Variants in ZNF483 observed in about 807,000 individuals in gnomAD.
The protein encoded by ZNF483 is zinc finger protein HIT-10.
ZNF483 carries 9 observed loss-of-function variants against 28.6 expected under a neutral mutation model. The ratio of observed to expected loss-of-function variants is 0.32; its 90% CI spans 0.19 to 0.55. The LOEUF (loss-of-function observed/expected upper bound fraction) is 0.55, where lower values mean the gene tolerates loss of function less well. Ranked by LOEUF, ZNF483 falls within the 20% of genes least tolerant of loss-of-function variation. The probability of loss-of-function intolerance (pLI) is 0.93; values close to 1 mark genes in which losing one functional copy is unlikely to be tolerated. For missense variants in ZNF483, 675 were observed against 871.7 expected (o/e 0.77, Z 2.84); for synonymous variants, 322 against 306.2 (o/e 1.05, Z -0.54).
chr9:111,530,319 C>A (rs548210764), intron 2 of ZNF483, among the ~76,000 whole-genome samples: 1 of 152,314 alleles, frequency 6.6e-6, no homozygotes, highest in South Asian at 2.1e-4. Flanking sequence ...AAGCCCCTTG[C>A]CCTATGCAAT....
chr9:111,557,125 C>T (rs372947163), downstream of ZNF483, among the ~76,000 whole-genome samples: 5 of 152,180 alleles, frequency 3.3e-5, no homozygotes, highest in African/African-American at 7.2e-5. Flanking sequence ...GCAGCATTTC[C>T]GCAGCCTTCT....
rs768891697 is a variant in ZNF483, at chr9:111,544,069, T to G, written c.*899T>G. The G allele has an allele frequency of 1.9e-4, 190 of 985,080 alleles. No individual in the cohort carries two copies. The highest frequency in any genetic ancestry group is 2.2e-4 in the Non-Finnish European group (185 of 829,956). The allele number at this position is 985,080 out of a possible 1,614,324, so 61.0% of individuals were successfully genotyped here. ...GAGTATTTTAATCGGACAAGGGAAC[T>G]CTTTTTCTTTTGGGCATTGGCCAAC... On this transcript the variant is annotated 3_prime_UTR_variant, in exon 6 of 6. Transcript: ENST00000309235.
chr9:111,544,314 A>T lies in ZNF483; in HGVS notation c.*1144A>T, dbSNP rs1173210907. The T allele has an allele frequency of 1.0e-6, 1 of 984,972 alleles. No homozygotes were observed. The highest frequency in any genetic ancestry group is 1.8e-5 in the African/African-American group (1 of 57,044). The allele number at this position is 984,972 out of a possible 1,614,324, so 61.0% of individuals were successfully genotyped here. A position where few individuals can be genotyped will look rare whatever the true frequency, so the allele number is the denominator to read the frequency against. ...AAACATTCTGTGTGGCAACAGTTAA[A>T]AGCTGTTATAACAATTTGCTTGGGT... On this transcript the variant is annotated 3_prime_UTR_variant, in exon 6 of 6. Coordinates refer to ENST00000309235, the MANE Select transcript of ZNF483 (RefSeq NM_133464.5).
At position 111,553,411 on chromosome 9, in the gene ZNF483, T is replaced by C. The variant is rs1369356793; in HGVS notation, c.*10241T>C. Among the ~76,000 whole-genome samples the C allele has an allele frequency of 6.6e-6, 1 of 152,214 alleles. No individual in the cohort carries two copies. Among genetic ancestry groups the C allele is most frequent in the African/African-American group, 2.4e-5 (1 of 41,458 alleles). Reference sequence around the variant, plus strand: ...CTAGAAAATAATTATAATGAAAATATTAAGTATCTCATTTTAGGATTCTGA... The same window carrying C: ...CTAGAAAATAATTATAATGAAAATACTAAGTATCTCATTTTAGGATTCTGA... On this transcript the variant is annotated 3_prime_UTR_variant, in exon 6 of 6. Transcript: ENST00000309235.
intron 1 of ZNF483, among the ~76,000 whole-genome samples, chr9:111,525,844 G>A (rs1168319798): frequency 6.6e-6 from 1 of 152,152 alleles, no homozygotes; most frequent in Non-Finnish European, 1.5e-5. Context: ...ACGTCATGCT[G>A]CTGTGTGCCG....
At position 111,542,281 on chromosome 9, in the gene ZNF483, G is replaced by C. The variant is rs1827692632; in HGVS notation, c.1346G>C (p.Gly449Ala). The change falls in exon 6 of 6, where the codon GGC becomes GCC. Residue 449 changes from glycine to alanine, a missense_variant. This residue lies in a region of ZNF483 where 525 missense variants were observed against 581.8 expected (regional missense o/e 0.90). Transcript: ENST00000309235. The surrounding 1 kb of genome is among the most constrained non-coding windows in gnomAD (Gnocchi z 6.2). Reference sequence around the variant, plus strand: ...TGTAGTAAGTGTGGAAAAGCCTTTGGCTATAGCGCCTCACTCACCAAACAT... The same window carrying C: ...TGTAGTAAGTGTGGAAAAGCCTTTGCCTATAGCGCCTCACTCACCAAACAT... Reference protein sequence around the residue: ...HKCSKCGKAFGYSASLTKHRR... With the variant: ...HKCSKCGKAFAYSASLTKHRR... 1 of 1,614,174 alleles carries C rather than the reference G, an allele frequency of 6.2e-7. No individual in the cohort carries two copies. The highest frequency in any genetic ancestry group is 8.5e-7 in the Non-Finnish European group (1 of 1,180,030).
intron 5 of ZNF483, among the ~76,000 whole-genome samples, chr9:111,534,718 C>CTTTTTTTTTTTTT (rs67740162): frequency 2.3e-5 from 2 of 88,130 alleles, no homozygotes; most frequent in African/African-American, 9.0e-5. Flanking sequence ...GTCGTTCTAT[C>CTTTTTTTTTTTTT]TTTTTTTTTT....
In ZNF483 at chr9:111,549,785, A is replaced by T. The variant is rs1224274542; in HGVS notation, c.*6615A>T. On this transcript the variant is annotated 3_prime_UTR_variant, in exon 6 of 6. Coordinates refer to ENST00000309235, the MANE Select transcript of ZNF483 (RefSeq NM_133464.5). Reference sequence around the variant, plus strand: ...CTGCTTTGAAGCTTCAATCTTCTTCATTTTCTCTTTTGATCTGTCAACACA... The same window carrying T: ...CTGCTTTGAAGCTTCAATCTTCTTCTTTTTCTCTTTTGATCTGTCAACACA... 6.5e-7 allele frequency: 1 copy of T among 1,544,690 alleles called. No homozygotes were observed. The highest frequency in any genetic ancestry group is 1.4e-5 in the African/African-American group (1 of 72,734).
At chr9:111,534,920 T>C (rs889174624) in intron 5 of ZNF483, among the ~76,000 whole-genome samples, 4 of 152,014 alleles carry the variant, frequency 2.6e-5, no homozygotes, top group African/African-American at 4.8e-5. Flanking sequence ...AGACGGGGTT[T>C]CACCATGTTG....
At chr9:111,569,961 A>T in intron 5 of ZNF483, 1 of 1,416,480 alleles carries the variant, frequency 7.1e-7, no homozygotes, top group Non-Finnish European at 9.7e-7. Flanking sequence ...TACTCTAAGC[A>T]CAATGACCCA....
At chr9:111,560,636 CAAAAAAAAAAAA>C (rs1015199330) in intron 5 of ZNF483, among the ~76,000 whole-genome samples, 2 of 26,296 alleles carry the variant, frequency 7.6e-5, no homozygotes, top group Non-Finnish European at 1.4e-4. Flanking sequence ...GACACCATCT[CAAAAAAAAAAAA>C]AAAAAAAAAA....
chr9:111,539,953 G>A (rs948894771), intron 5 of ZNF483, among the ~76,000 whole-genome samples: 8 of 151,994 alleles, frequency 5.3e-5, no homozygotes, highest in African/African-American at 1.9e-4. Flanking sequence ...CGCGCAGGGA[G>A]ACCCCATCTC....
chr9:111,543,373 A>G lies in ZNF483; in HGVS notation c.*203A>G. The G allele has an allele frequency of 7.5e-7, 1 of 1,326,344 alleles. No individual in the cohort carries two copies. The allele number at this position is 1,326,344 out of a possible 1,614,324, so 82.2% of individuals were successfully genotyped here. A position where few individuals can be genotyped will look rare whatever the true frequency, so the allele number is the denominator to read the frequency against. On this transcript the variant is annotated 3_prime_UTR_variant, in exon 6 of 6. Coordinates refer to ENST00000309235, the MANE Select transcript of ZNF483 (RefSeq NM_133464.5). ...AGTAATTAGTTGGTAAAGTCACTGG[A>G]AAGGGAAGAATGCAAAATGATTCTG... is the stretch of plus-strand genomic sequence containing the variant.
Position 111,548,817 on chromosome 9 carries a change from GTTT to G in ZNF483, c.*5658_*5660del, listed in dbSNP as rs11323976. 6.8e-5 allele frequency among the ~76,000 whole-genome samples: 10 copies of G among 148,100 alleles called. No individual in the cohort carries two copies. The highest frequency in any genetic ancestry group is 1.5e-4 in the African/African-American group (6 of 40,530). On this transcript the variant is annotated 3_prime_UTR_variant, in exon 6 of 6. Transcript: ENST00000309235. ...CTGTATATAGAATTCTCAGTTGACA[GTTT>G]TTTTTTTTTTCTTTCTGCATTAAGA...
chr9:111,564,179 G>A (rs1280870164), intron 5 of ZNF483: 18 of 1,016,496 alleles, frequency 1.8e-5, no homozygotes, highest in Non-Finnish European at 2.1e-5. Context: ...TTTCGCTAAT[G>A]TATTCCAGTG....
Position 111,533,646 on chromosome 9 carries a change from G to A in ZNF483, c.502-93G>A, listed in dbSNP as rs889086125. 34 of 1,322,658 alleles carry A rather than the reference G, an allele frequency of 2.6e-5. No individual in the cohort carries two copies. The Admixed American group carries it at 8.4e-4, about 33-fold the overall frequency. The allele number at this position is 1,322,658 out of a possible 1,614,324, so 81.9% of individuals were successfully genotyped here. A position where few individuals can be genotyped will look rare whatever the true frequency, so the allele number is the denominator to read the frequency against. ...GAAGCACCACTGCACTCTAACACGG[G>A]CGACAGAGCCATAATAGCCTGTCTC... On this transcript the variant is annotated intron_variant, in intron 3 of 5. Transcript: ENST00000309235.
Position 111,542,170 on chromosome 9 carries a change from T to C in ZNF483, c.1235T>C (p.Met412Thr). ...ACTCTTTCTAGGAGAAAAACCCCTA[T>C]GTGTGAGAAATGTCGGAAAGATTCA... is the stretch of plus-strand genomic sequence containing the variant. ...RSTLSRRKTPMCEKCRKDSCQ... is the reference protein window; with the variant it reads ...RSTLSRRKTPTCEKCRKDSCQ... The change falls in exon 6 of 6, where the codon ATG (methionine) becomes ACG (threonine). Residue 412 changes from methionine to threonine, a missense_variant. By Grantham distance (81) the Met-to-Thr change is moderately conservative (BLOSUM62 -1). Coordinates refer to ENST00000309235, the MANE Select transcript of ZNF483 (RefSeq NM_133464.5). This position sits in a 1 kb window ranked among gnomAD's most constrained non-coding sequence, Gnocchi z 6.2. 6 of 1,614,008 alleles carry C rather than the reference T, an allele frequency of 3.7e-6. No individual in the cohort carries two copies. Among genetic ancestry groups the C allele is most frequent in the Non-Finnish European group, 5.1e-6 (6 of 1,180,018 alleles).
At chr9:111,576,578 A>T (rs1013179589) in exon 6 of ZNF483, 16 of 686,608 alleles carry the variant, frequency 2.3e-5, no homozygotes, top group Non-Finnish European at 3.5e-5. Flanking sequence ...CAAGTTACTT[A>T]ACACTTCTGA....
rs1382169389 is a variant in ZNF483 at position 111,545,326 on chromosome 9, A to G, written c.*2156A>G. On this transcript the variant is annotated 3_prime_UTR_variant, in exon 6 of 6. Transcript: ENST00000309235. ...AAAGTCTTCAGAAGAGGCTTGTTCC[A>G]AGATGATTACTCTTAGACTCCCTAA... Among the ~76,000 whole-genome samples, 3 of 152,222 alleles carry G rather than the reference A, an allele frequency of 2.0e-5. No individual in the cohort carries two copies. The highest frequency in any genetic ancestry group is 3.8e-4 in the East Asian group (2 of 5,202).
Sources: allele counts gnomAD v4.1 joint callset (sites outside exome capture counted in the v4.1 genomes callset), GRCh38; gene constraint gnomAD v4.1.1; regional missense constraint gnomAD v4.1.1; non-coding constraint Gnocchi (gnomAD v3.1); transcripts MANE v1.5; gene names NCBI Gene and HGNC (gene_info 2026-07-23, HGNC 2026-07-21).